Variants in UGT1A9 observed in about 807,000 individuals in gnomAD.
The protein encoded by UGT1A9 is UDP-glucuronosyltransferase 1A9.
UGT1A9 carries 35 observed loss-of-function variants against 45.0 expected under a neutral mutation model. The ratio of observed to expected loss-of-function variants is 0.78; its 90% CI spans 0.59 to 1.03. The LOEUF (loss-of-function observed/expected upper bound fraction) is 1.03, where lower values mean the gene tolerates loss of function less well. UGT1A9 is among the 50% of genes least tolerant of loss of function. The pLI is 0.00. For missense variants in UGT1A9, 687 were observed against 666.6 expected (o/e 1.03, Z -0.34); for synonymous variants, 278 against 250.6 (o/e 1.11, Z -1.03).
At chr2:233,743,713 A>C in intron 1 of UGT1A9, 1 of 1,367,332 alleles carries the variant, frequency 7.3e-7, no homozygotes, top group Non-Finnish European at 9.8e-7. Flanking sequence ...CCGCCTCGCC[A>C]TAGCGGTCAT....
In UGT1A9 at chr2:233,763,074, C is replaced by T. The variant is rs112277298; in HGVS notation, c.856-3960C>T. On this transcript the variant is annotated intron_variant, in intron 1 of 4. Coordinates refer to ENST00000354728, the MANE Select transcript of UGT1A9 (RefSeq NM_021027.3). ...TTGATTTAGATAATTTCCTTCTTTGCGTGAGGATGTTTGTAGGAGAGGCAC... is the reference window on the plus strand; with the variant it reads ...TTGATTTAGATAATTTCCTTCTTTGTGTGAGGATGTTTGTAGGAGAGGCAC... Among the ~76,000 whole-genome samples, 590 of 152,258 alleles carry T rather than the reference C, an allele frequency of 3.9e-3. 2 individuals are homozygous for T. Among genetic ancestry groups the T allele is most frequent in the Admixed American group, 5.9e-3 (90 of 15,292 alleles).
At chr2:233,748,103 A>G in intron 1 of UGT1A9, 1 of 1,612,606 alleles carries the variant, frequency 6.2e-7, no homozygotes, top group Non-Finnish European at 8.5e-7. Context: ...CCTTCATCCA[A>G]TCAATGTTCC....
chr2:233,701,490 G>A (rs1170806303), intron 1 of UGT1A9, among the ~76,000 whole-genome samples: 10 of 151,864 alleles, frequency 6.6e-5, no homozygotes, highest in Admixed American at 2.6e-4. Context: ...TGCACCAAGC[G>A]GACCTAATAG....
chr2:233,751,041 C>T (rs1189631528), intron 1 of UGT1A9, among the ~76,000 whole-genome samples: 2 of 151,832 alleles, frequency 1.3e-5, no homozygotes, highest in African/African-American at 4.9e-5. Flanking sequence ...GCACTGTGTG[C>T]CTGGAAAAGA....
At position 233,772,432 on chromosome 2, in the gene UGT1A9, T is replaced by C. The variant is rs771600393; in HGVS notation, c.1466T>C (p.Ile489Thr). 4.3e-6 allele frequency: 7 copies of C among 1,614,238 alleles called. No homozygotes were observed. Among genetic ancestry groups the C allele is most frequent in the Middle Eastern group, 1.6e-4 (1 of 6,062 alleles). Residue 489 changes from isoleucine to threonine, a missense_variant, in exon 5 of 5, where the codon ATT (isoleucine) becomes ACT (threonine). Physicochemically the swap from Ile to Thr is moderately conservative, Grantham distance 89 (BLOSUM62 -1). Coordinates refer to ENST00000354728, the MANE Select transcript of UGT1A9 (RefSeq NM_021027.3). ...TWYQYHSLDV[I>T]GFLLAVVLTV... Reference sequence around the variant, plus strand: ...TACCAGTACCATTCCTTGGACGTGATTGGTTTCCTCTTGGCCGTCGTGCTG... The same window carrying C: ...TACCAGTACCATTCCTTGGACGTGACTGGTTTCCTCTTGGCCGTCGTGCTG...
At chr2:233,720,365 G>T (rs920594093) in intron 1 of UGT1A9, among the ~76,000 whole-genome samples, 1 of 152,064 alleles carries the variant, frequency 6.6e-6, no homozygotes, top group Non-Finnish European at 1.5e-5. Flanking sequence ...ATGTCAAAAG[G>T]GTCTTCTACT....
chr2:233,729,265 G>A (rs761772546), intron 1 of UGT1A9: 3 of 1,614,128 alleles, frequency 1.9e-6, no homozygotes, highest in East Asian at 2.2e-5. Flanking sequence ...CATGCGGGAG[G>A]TCTTGCGGGA....
chr2:233,725,696 T>A (rs1461246019), intron 1 of UGT1A9, among the ~76,000 whole-genome samples: 1 of 152,258 alleles, frequency 6.6e-6, no homozygotes, highest in African/African-American at 2.4e-5. Context: ...AATAGTCATA[T>A]GTAGTTAGTG....
chr2:233,747,703 AC>A, intron 1 of UGT1A9: 1 of 1,612,262 alleles, frequency 6.2e-7, no homozygotes, highest in Non-Finnish European at 8.5e-7. Context: ...CTGGCTAAGT[AC>A]CTATCAATTC....
chr2:233,695,630 G>A (rs979864774), intron 1 of UGT1A9, among the ~76,000 whole-genome samples: 8 of 151,156 alleles, frequency 5.3e-5, no homozygotes, highest in African/African-American at 1.9e-4. Context: ...ACCTCCATGA[G>A]ACCCACTTTT....
At chr2:233,730,965 G>A (rs1412935935) in intron 1 of UGT1A9, among the ~76,000 whole-genome samples, 2 of 152,130 alleles carry the variant, frequency 1.3e-5, no homozygotes, top group African/African-American at 2.4e-5. Flanking sequence ...ATGGTACTCT[G>A]GGACCTGAAT....
chr2:233,719,268 T>C (rs12468274), intron 1 of UGT1A9: 110,466 of 1,614,086 alleles, frequency 0.068, 5,154 homozygotes, highest in South Asian at 0.18. Context: ...TGATGTGGTT[T>C]TAACAGACCC....
intron 1 of UGT1A9, among the ~76,000 whole-genome samples, chr2:233,711,879 A>G (rs2076201589): frequency 6.6e-6 from 1 of 152,226 alleles, no homozygotes; most frequent in Non-Finnish European, 1.5e-5. Context: ...TTTCTGGAGC[A>G]GGACGAGTCT....
chr2:233,766,888 A>G, intron 1 of UGT1A9, 146 bp from the exon 2 acceptor site: 1 of 1,462,694 alleles, frequency 6.8e-7, no homozygotes. Flanking sequence ...TGTAAAACTT[A>G]CATATTAATA....
intron 1 of UGT1A9, among the ~76,000 whole-genome samples, chr2:233,734,366 T>C (rs578211263): frequency 4.6e-5 from 7 of 152,208 alleles, no homozygotes; most frequent in Non-Finnish European, 1.0e-4. Flanking sequence ...GGATCGGTGG[T>C]GATATTGCCT....
At chr2:233,715,946 TTGACTGAC>T (rs1026670441) in intron 1 of UGT1A9, among the ~76,000 whole-genome samples, 1 of 152,220 alleles carries the variant, frequency 6.6e-6, no homozygotes, top group African/African-American at 2.4e-5. Flanking sequence ...TTGTGGTTTG[TTGACTGAC>T]TGACTGATTG....
chr2:233,747,103 T>A, intron 1 of UGT1A9: 1 of 1,362,910 alleles, frequency 7.3e-7, no homozygotes, highest in Non-Finnish European at 1.0e-6. Flanking sequence ...TATCTTCCAA[T>A]TACATGATGA....
At chr2:233,720,324 C>T (rs938076582) in intron 1 of UGT1A9, among the ~76,000 whole-genome samples, 3 of 151,934 alleles carry the variant, frequency 2.0e-5, no homozygotes, top group Admixed American at 6.6e-5. Flanking sequence ...GTGGGGACAT[C>T]GTAGAGTTTG....
At chr2:233,721,228 G>A (rs2076928713) in intron 1 of UGT1A9, among the ~76,000 whole-genome samples, 1 of 152,140 alleles carries the variant, frequency 6.6e-6, no homozygotes, top group Non-Finnish European at 1.5e-5. Context: ...ATGCAATGTA[G>A]TTACTGAATT....
Sources: allele counts gnomAD v4.1 joint callset (sites outside exome capture counted in the v4.1 genomes callset), GRCh38; gene constraint gnomAD v4.1.1; transcripts MANE v1.5; gene names NCBI Gene and HGNC (gene_info 2026-07-23, HGNC 2026-07-21).